The following ATE1 variants were observed in gnomAD, a reference collection of about 807,000 sequenced individuals.
The protein encoded by ATE1 is arginyltransferase 1, also known as arginyl-tRNA--protein transferase 1.
ATE1 carries 36 observed loss-of-function variants against 70.5 expected under a neutral mutation model. The observed-to-expected ratio is 0.51, with a 90% CI of 0.39 to 0.67. ATE1 has a LOEUF of 0.67. Among genes scored for constraint, ATE1 ranks in the 30% least tolerant of loss-of-function variants. ATE1 has a pLI of 0.00. For synonymous variants in ATE1, 232 were observed against 219.3 expected (o/e 1.06, Z -0.51); for missense variants, 593 against 629.5 (o/e 0.94, Z 0.62).
At chr10:121,840,577 AACAAAAGCTACCC>A (rs1191151390) in intron 9 of ATE1, among the ~76,000 whole-genome samples, 1 of 152,132 alleles carries the variant, frequency 6.6e-6, no homozygotes, top group East Asian at 1.9e-4. Context: ...ATGTATAAAC[AACAAAAGCTACCC>A]ACAAATACAA....
intron 10 of ATE1, among the ~76,000 whole-genome samples, chr10:121,794,230 G>C (rs968015377): frequency 6.6e-6 from 1 of 152,120 alleles, no homozygotes; most frequent in African/African-American, 2.4e-5. Context: ...ACATCTTGGA[G>C]ATTTAATTCC....
intron 10 of ATE1, among the ~76,000 whole-genome samples, chr10:121,792,168 GA>G (rs1407661997): frequency 6.6e-6 from 1 of 152,102 alleles, no homozygotes; most frequent in Non-Finnish European, 1.5e-5. Flanking sequence ...AGGATGAAAA[GA>G]AATGAGAACA....
chr10:121,881,171 A>G (rs1485228953), intron 7 of ATE1, among the ~76,000 whole-genome samples: 1 of 152,240 alleles, frequency 6.6e-6, no homozygotes, highest in Non-Finnish European at 1.5e-5. Context: ...ATTTGGCAAC[A>G]ACTGAATTCT....
At chr10:121,762,805 C>CA (rs1564816928) in intron 11 of ATE1, among the ~76,000 whole-genome samples, 1 of 152,150 alleles carries the variant, frequency 6.6e-6, no homozygotes, top group African/African-American at 2.4e-5. Flanking sequence ...ATATAGCTCA[C>CA]ATTTATTTCA....
intron 4 of ATE1, among the ~76,000 whole-genome samples, chr10:121,911,381 T>C (rs1951418734): frequency 6.6e-6 from 1 of 151,206 alleles, no homozygotes; most frequent in Non-Finnish European, 1.5e-5. Flanking sequence ...GAGGACTGCT[T>C]GAGGCCAGGA....
At chr10:121,916,975 C>A (rs923498403) in intron 3 of ATE1, among the ~76,000 whole-genome samples, 2 of 151,940 alleles carry the variant, frequency 1.3e-5, no homozygotes, top group African/African-American at 4.8e-5. Context: ...ACCAGCCTGG[C>A]CAACATGATG....
intron 10 of ATE1, among the ~76,000 whole-genome samples, chr10:121,807,594 CACTG>C (rs1196045042): frequency 2.0e-5 from 3 of 152,282 alleles, no homozygotes; most frequent in South Asian, 4.1e-4. Flanking sequence ...CACGTGATGA[CACTG>C]ACTTAGACTA....
At chr10:121,777,233 C>T (rs1044027513) in intron 11 of ATE1, among the ~76,000 whole-genome samples, 15 of 152,156 alleles carry the variant, frequency 9.9e-5, no homozygotes, top group Non-Finnish European at 2.9e-5. Flanking sequence ...AAATATTCAG[C>T]GTTCATGCTC....
chr10:121,856,976 T>A (rs1949273398), intron 8 of ATE1, among the ~76,000 whole-genome samples: 1 of 152,256 alleles, frequency 6.6e-6, no homozygotes, highest in Non-Finnish European at 1.5e-5. Context: ...TTGAAAAATC[T>A]AAGTTTGTGT....
At chr10:121,744,741 C>A (rs1458259524) in intron 11 of ATE1, among the ~76,000 whole-genome samples, 1 of 152,166 alleles carries the variant, frequency 6.6e-6, no homozygotes, top group East Asian at 1.9e-4. Flanking sequence ...AAAACCAGCC[C>A]CGGTTTTCTT....
chr10:121,810,969 G>A (rs1464330408), intron 10 of ATE1, among the ~76,000 whole-genome samples: 1 of 152,094 alleles, frequency 6.6e-6, no homozygotes, highest in Non-Finnish European at 1.5e-5. Flanking sequence ...CCAAAGTGGT[G>A]GAATTACACG....
chr10:121,924,203 C>A, intron 2 of ATE1, 63 bp downstream of exon 2: 1 of 1,459,548 alleles, frequency 6.9e-7, no homozygotes, highest in Non-Finnish European at 9.6e-7. Context: ...ATTTCAAAGG[C>A]ATGCTGTATT....
chr10:121,764,903 T>A (rs1564818723), intron 11 of ATE1, among the ~76,000 whole-genome samples: 2 of 152,156 alleles, frequency 1.3e-5, no homozygotes, highest in South Asian at 4.1e-4. Flanking sequence ...AGAGTTAAAG[T>A]GCTGGAGAAT....
At chr10:121,805,793 T>C (rs1489207204) in intron 10 of ATE1, among the ~76,000 whole-genome samples, 2 of 152,152 alleles carry the variant, frequency 1.3e-5, no homozygotes, top group Non-Finnish European at 2.9e-5. Flanking sequence ...TGGCAAAAGA[T>C]TGTGGGCAAC....
intron 11 of ATE1, among the ~76,000 whole-genome samples, chr10:121,781,175 CTTTTTT>C (rs5788515): frequency 6.6e-6 from 1 of 151,568 alleles, no homozygotes; most frequent in South Asian, 2.1e-4. Flanking sequence ...TCAGTCTGTA[CTTTTTT>C]TTTTCTGTAT....
At chr10:121,768,219 C>G (rs1483783982) in intron 11 of ATE1, among the ~76,000 whole-genome samples, 1 of 152,132 alleles carries the variant, frequency 6.6e-6, no homozygotes, top group Admixed American at 6.5e-5. Context: ...ATTGTCTAAT[C>G]AGTCACAGAG....
intron 5 of ATE1, among the ~76,000 whole-genome samples, chr10:121,902,971 T>C (rs1951041769): frequency 6.6e-6 from 1 of 150,552 alleles, no homozygotes; most frequent in Non-Finnish European, 1.5e-5. Flanking sequence ...GTTCAAGCAA[T>C]TCTCCTGCCT....
At chr10:121,807,587 G>A (rs534305053) in intron 10 of ATE1, among the ~76,000 whole-genome samples, 9 of 152,138 alleles carry the variant, frequency 5.9e-5, no homozygotes, top group Non-Finnish European at 1.0e-4. Context: ...GATGATGCAC[G>A]TGATGACACT....
chr10:121,813,560 C>T (rs1321121099), intron 10 of ATE1, among the ~76,000 whole-genome samples: 1 of 152,170 alleles, frequency 6.6e-6, no homozygotes, highest in African/African-American at 2.4e-5. Context: ...GGAAACATAA[C>T]ATTACAGGGA....
Sources: gnomAD v4.1 joint callset for allele counts (sites outside exome capture counted in the v4.1 genomes callset) on GRCh38, gnomAD v4.1.1 for gene constraint, MANE v1.5 for transcripts, NCBI Gene and HGNC (gene_info 2026-07-23, HGNC 2026-07-21) for gene names.